Variants in TWIST2 observed in about 807,000 individuals in gnomAD.
TWIST2 encodes twist family bHLH transcription factor 2, also known as twist-related protein 2.
TWIST2 carries 1 observed loss-of-function variant against 11.6 expected under a neutral mutation model. The observed-to-expected ratio is 0.09, with a 90% CI of 0.03 to 0.41. The LOEUF (loss-of-function observed/expected upper bound fraction) is 0.41, where lower values mean the gene tolerates loss of function less well. Ranked by LOEUF, TWIST2 falls within the 10% of genes least tolerant of loss-of-function variation. TWIST2 has a pLI of 0.98. For synonymous variants in TWIST2, 87 were observed against 96.6 expected (o/e 0.90, Z 0.58); for missense variants, 168 against 226.4 (o/e 0.74, Z 1.66).
At chr2:238,883,825 C>T (rs575188781) in intron 1 of TWIST2, among the ~76,000 whole-genome samples, 2 of 152,218 alleles carry the variant, frequency 1.3e-5, no homozygotes, top group Admixed American at 1.3e-4. Flanking sequence ...TGCTGGTTTC[C>T]CAGCTGTAAG....
At position 238,874,842 on chromosome 2, in the gene TWIST2, G is replaced by C. The variant is rs147585237; in HGVS notation, c.*35+26109G>C. Reference sequence around the variant, plus strand: ...GGGGCCTGGGCTCCCCAGGGTACTTGATTTGTCCTTCAGGTGCAAGTGAGT... The same window carrying C: ...GGGGCCTGGGCTCCCCAGGGTACTTCATTTGTCCTTCAGGTGCAAGTGAGT... On this transcript the variant is annotated intron_variant, in intron 1 of 1. Coordinates refer to ENST00000612363, the MANE Select transcript of TWIST2 (RefSeq NM_001271893.4). Among the ~76,000 whole-genome samples, 706 of 152,272 alleles carry C rather than the reference G, an allele frequency of 4.6e-3. 1 individual carries two copies. The highest frequency in any genetic ancestry group is 0.01 in the Middle Eastern group (3 of 292).
intron 1 of TWIST2, among the ~76,000 whole-genome samples, chr2:238,908,644 T>C (rs1693396943): frequency 6.6e-6 from 1 of 152,212 alleles, no homozygotes; most frequent in Admixed American, 6.5e-5. Context: ...GTATGTTGTC[T>C]GTGTGGATAT....
At chr2:238,900,163 A>C (rs1172212081) in intron 1 of TWIST2, among the ~76,000 whole-genome samples, 2 of 152,232 alleles carry the variant, frequency 1.3e-5, no homozygotes, top group Non-Finnish European at 1.5e-5. Flanking sequence ...TCTGATGGCT[A>C]TCGATACATT....
chr2:238,881,322 GGTGTTAATATTAGCATTAGTGTCA>G lies in TWIST2; in HGVS notation c.*36-28513_*36-28490del, dbSNP rs1336800930. 1.9e-3 allele frequency among the ~76,000 whole-genome samples: 280 copies of G among 143,678 alleles called. 3 individuals are homozygous for G. The highest frequency in any genetic ancestry group is 7.0e-3 in the African/African-American group (272 of 38,876). The allele number at this position is 143,678 out of a possible 152,430, so 94.3% of individuals were successfully genotyped here. ...ATCTATTAGTATTAGTGTTAGTGTT[GGTGTTAATATTAGCATTAGTGTCA>G]GTGTTAGTATTAGTGTTAGTGTTAG... On this transcript the variant is annotated intron_variant, in intron 1 of 1. Coordinates refer to ENST00000612363, the MANE Select transcript of TWIST2 (RefSeq NM_001271893.4).
At chr2:238,893,803 G>A (rs1262015607) in intron 1 of TWIST2, among the ~76,000 whole-genome samples, 11 of 152,130 alleles carry the variant, frequency 7.2e-5, no homozygotes, top group African/African-American at 2.2e-4. Flanking sequence ...AAGGAGCGCC[G>A]ACCTCCTGGC....
chr2:238,901,808 G>A (rs1029363317), intron 1 of TWIST2, among the ~76,000 whole-genome samples: 10 of 152,122 alleles, frequency 6.6e-5, no homozygotes, highest in Admixed American at 2.0e-4. Flanking sequence ...CATGGGGGTG[G>A]CTGGCAGCTG....
chr2:238,880,510 GTAT>G (rs747728119), intron 1 of TWIST2, among the ~76,000 whole-genome samples: 2 of 95,322 alleles, frequency 2.1e-5, no homozygotes, highest in Non-Finnish European at 4.1e-5. Context: ...GTCAGCATTA[GTAT>G]TAGTGTGTTA....
At chr2:238,895,500 G>T (rs1426645499) in intron 1 of TWIST2, among the ~76,000 whole-genome samples, 1 of 152,240 alleles carries the variant, frequency 6.6e-6, no homozygotes, top group Non-Finnish European at 1.5e-5. Flanking sequence ...GAGAAGTTGT[G>T]ACTCACGGGT....
chr2:238,890,927 A>C (rs1205221480), intron 1 of TWIST2, among the ~76,000 whole-genome samples: 4 of 152,152 alleles, frequency 2.6e-5, no homozygotes, highest in African/African-American at 9.7e-5. Flanking sequence ...TAAAGTTCTC[A>C]GATGCCACGG....
chr2:238,877,101 G>C (rs572293459), intron 1 of TWIST2, among the ~76,000 whole-genome samples: 3 of 152,122 alleles, frequency 2.0e-5, no homozygotes, highest in Non-Finnish European at 2.9e-5. Context: ...GGAGGCTGAC[G>C]CAGGAGAATT....
intron 1 of TWIST2, among the ~76,000 whole-genome samples, chr2:238,902,285 ATG>A (rs1250953407): frequency 7.6e-5 from 11 of 145,078 alleles, no homozygotes; most frequent in Non-Finnish European, 1.5e-4. Flanking sequence ...GTGATGGGGT[ATG>A]TGTGATATGG....
At chr2:238,904,553 T>A (rs1693319175) in intron 1 of TWIST2, among the ~76,000 whole-genome samples, 1 of 151,966 alleles carries the variant, frequency 6.6e-6, no homozygotes, top group East Asian at 1.9e-4. Flanking sequence ...CCTGCCATGC[T>A]GGTTCTGACT....
intron 1 of TWIST2, among the ~76,000 whole-genome samples, chr2:238,876,726 T>A (rs1692810789): frequency 6.6e-6 from 1 of 152,206 alleles, no homozygotes; most frequent in Non-Finnish European, 1.5e-5. Flanking sequence ...GGCATTCAGA[T>A]GCCTTTGCCA....
At chr2:238,874,560 G>C (rs535536996) in intron 1 of TWIST2, among the ~76,000 whole-genome samples, 5 of 152,118 alleles carry the variant, frequency 3.3e-5, no homozygotes, top group Non-Finnish European at 5.9e-5. Context: ...GGTGAATGCC[G>C]GTCTGCACCA....
intron 1 of TWIST2, among the ~76,000 whole-genome samples, chr2:238,870,499 C>T (rs1213870326): frequency 4.4e-5 from 6 of 137,888 alleles, no homozygotes; most frequent in East Asian, 2.3e-4. Context: ...ACACACCCCA[C>T]GCACACATCA....
At chr2:238,901,592 C>T (rs1293982738) in intron 1 of TWIST2, among the ~76,000 whole-genome samples, 3 of 152,148 alleles carry the variant, frequency 2.0e-5, no homozygotes, top group Non-Finnish European at 4.4e-5. Context: ...GTTGTGCACT[C>T]ACGCCGATGG....
At chr2:238,909,007 G>A in intron 1 of TWIST2, among the ~76,000 whole-genome samples, 1 of 152,046 alleles carries the variant, frequency 6.6e-6, no homozygotes, top group South Asian at 2.1e-4. Flanking sequence ...TTTGTGTGGT[G>A]TGTGTGTGTA....
At chr2:238,889,387 A>T (rs1365307747) in intron 1 of TWIST2, among the ~76,000 whole-genome samples, 1 of 152,200 alleles carries the variant, frequency 6.6e-6, no homozygotes, top group Non-Finnish European at 1.5e-5. Context: ...ATATATATAC[A>T]CATAGACGTG....
In TWIST2 at chr2:238,874,758, G is replaced by A. The variant is rs973850448; in HGVS notation, c.*35+26025G>A. Among the ~76,000 whole-genome samples, 3 of 152,206 alleles carry A rather than the reference G, an allele frequency of 2.0e-5. 1 individual carries two copies. In the South Asian group the frequency reaches 6.2e-4, roughly 31 times the overall value. ...GCTTACCCAGGATTCAGGTAGAAGA[G>A]TTGCCTGCCCTGGGCTCCCCACAGC... On this transcript the variant is annotated intron_variant, in intron 1 of 1. Transcript: ENST00000612363.
Sources: gnomAD v4.1 joint callset for allele counts (sites outside exome capture counted in the v4.1 genomes callset) on GRCh38, gnomAD v4.1.1 for gene constraint, MANE v1.5 for transcripts, NCBI Gene and HGNC (gene_info 2026-07-23, HGNC 2026-07-21) for gene names.